The following DCDC2C variants were observed in gnomAD, a reference collection of about 807,000 sequenced individuals.
The protein encoded by DCDC2C is doublecortin domain-containing protein 2C.
In DCDC2C, 44 loss-of-function variants were observed where a neutral mutation model predicts 45.0. The ratio of observed to expected loss-of-function variants is 0.98; its 90% CI spans 0.77 to 1.26. DCDC2C has a LOEUF of 1.26. Among genes scored for constraint, DCDC2C ranks in the 50% most tolerant of loss-of-function variants. The pLI is 0.00. For synonymous variants in DCDC2C, 187 were observed against 178.8 expected, an observed-to-expected ratio of 1.05 and a Z score of -0.37; for missense variants, 447 against 468.9, an observed-to-expected ratio of 0.95 and a Z score of 0.43.
intron 10 of DCDC2C, among the ~76,000 whole-genome samples, chr2:3,832,791 C>T (rs1477245269): frequency 1.3e-5 from 2 of 152,178 alleles, no homozygotes; most frequent in Non-Finnish European, 2.9e-5. Flanking sequence ...TTTCTCTCCC[C>T]CAATGTCTAG....
At chr2:3,720,425 A>G (rs757367002) in intron 2 of DCDC2C, among the ~76,000 whole-genome samples, 7 of 152,224 alleles carry the variant, frequency 4.6e-5, no homozygotes, top group African/African-American at 1.4e-4. Context: ...GGAAGAGGAC[A>G]TAGGAGGTCA....
intron 10 of DCDC2C, among the ~76,000 whole-genome samples, chr2:3,810,971 T>TGGTACAA (rs1572634340): frequency 6.6e-6 from 1 of 152,232 alleles, no homozygotes; most frequent in Non-Finnish European, 1.5e-5. Flanking sequence ...CACACTGTTT[T>TGGTACAA]GGTTACTGTA....
At chr2:3,810,501 T>C (rs939786177) in intron 10 of DCDC2C, among the ~76,000 whole-genome samples, 3 of 152,240 alleles carry the variant, frequency 2.0e-5, no homozygotes, top group Non-Finnish European at 4.4e-5. Context: ...GTCAGATGGG[T>C]AGATTGCAAA....
At chr2:3,712,866 T>G (rs1204524965) in intron 2 of DCDC2C, among the ~76,000 whole-genome samples, 1 of 152,200 alleles carries the variant, frequency 6.6e-6, no homozygotes, top group Non-Finnish European at 1.5e-5. Context: ...GTGTTCAATG[T>G]CCAGAAGTTT....
chr2:3,779,939 C>T (rs1670466408), intron 9 of DCDC2C, among the ~76,000 whole-genome samples: 1 of 152,140 alleles, frequency 6.6e-6, no homozygotes, highest in African/African-American at 2.4e-5. Flanking sequence ...GATATGGGTC[C>T]TCAGGAAGTT....
intron 3 of DCDC2C, among the ~76,000 whole-genome samples, chr2:3,737,097 A>G (rs1195958212): frequency 1.3e-5 from 2 of 152,176 alleles, no homozygotes; most frequent in Non-Finnish European, 2.9e-5. Context: ...CTGCCCATCC[A>G]GAATTGACTG....
intron 10 of DCDC2C, among the ~76,000 whole-genome samples, chr2:3,840,287 C>T (rs1401817395): frequency 6.6e-6 from 1 of 152,190 alleles, no homozygotes; most frequent in East Asian, 1.9e-4. Flanking sequence ...TTACTGGTCA[C>T]CTGGAAAGAC....
chr2:3,726,299 G>A (rs1043088632), intron 2 of DCDC2C, among the ~76,000 whole-genome samples: 1 of 152,082 alleles, frequency 6.6e-6, no homozygotes, highest in African/African-American at 2.4e-5. Context: ...CTCAGCACAG[G>A]GTTGGGGGTT....
In DCDC2C at chr2:3,837,136, C is replaced by T. The variant is rs1263086778; in HGVS notation, c.1066-10018C>T. Among the ~76,000 whole-genome samples, 7 of 152,228 alleles carry T rather than the reference C, an allele frequency of 4.6e-5. No individual in the cohort carries two copies. In the East Asian group the frequency reaches 9.7e-4, roughly 21 times the overall value. ...GAGACGCTTCTGAGGAACATGAGGGCACCATGGAGCTCAGTAGGAACACAA... is the reference window on the plus strand; with the variant it reads ...GAGACGCTTCTGAGGAACATGAGGGTACCATGGAGCTCAGTAGGAACACAA... On this transcript the variant is annotated intron_variant, in intron 10 of 10. Coordinates refer to ENST00000399143, the MANE Select transcript of DCDC2C (RefSeq NM_001287444.2).
chr2:3,835,084 G>T (rs192048644), intron 10 of DCDC2C, among the ~76,000 whole-genome samples: 1 of 152,116 alleles, frequency 6.6e-6, no homozygotes, highest in Non-Finnish European at 1.5e-5. Context: ...ATAAATACAC[G>T]AGTTTGCCTT....
chr2:3,782,769 G>A (rs191466925), intron 9 of DCDC2C, among the ~76,000 whole-genome samples: 110 of 152,244 alleles, frequency 7.2e-4, no homozygotes, highest in African/African-American at 2.5e-3. Context: ...GTGAGCCACC[G>A]CACCTGGCCT....
At chr2:3,754,657 T>C (rs1669640303) in intron 6 of DCDC2C, 23 bp downstream of exon 6, 1 of 1,544,046 alleles carries the variant, frequency 6.5e-7, no homozygotes, top group East Asian at 2.4e-5. Flanking sequence ...TTAAAACAAG[T>C]AAGTAACTTG....
At chr2:3,731,568 C>G (rs357949) in intron 3 of DCDC2C, among the ~76,000 whole-genome samples, 122,684 of 152,146 alleles carry the variant, frequency 0.81, 49,995 homozygotes, top group South Asian at 0.93. Context: ...TCACTGATTG[C>G]GCCTTTTAGT....
chr2:3,718,242 G>C (rs536362995), intron 2 of DCDC2C, among the ~76,000 whole-genome samples: 1 of 152,292 alleles, frequency 6.6e-6, no homozygotes, highest in East Asian at 1.9e-4. Context: ...TTAGGGGCAG[G>C]TATTCTCCTC....
chr2:3,843,526 A>G lies in DCDC2C; in HGVS notation c.1066-3628A>G, dbSNP rs562528577. Among the ~76,000 whole-genome samples, 57 of 152,334 alleles carry G rather than the reference A, an allele frequency of 3.7e-4. No homozygotes were observed. In the Middle Eastern group the frequency reaches 0.01, roughly 27 times the overall value. On this transcript the variant is annotated intron_variant, in intron 10 of 10. Coordinates refer to ENST00000399143, the MANE Select transcript of DCDC2C (RefSeq NM_001287444.2). ...GAGCATCTTTTTAATTTCCTCTGCCAAATGGCATTCATCCCCATAGGAAAG... is the reference window on the plus strand; with the variant it reads ...GAGCATCTTTTTAATTTCCTCTGCCGAATGGCATTCATCCCCATAGGAAAG...
intron 8 of DCDC2C, among the ~76,000 whole-genome samples, chr2:3,774,078 G>C (rs565336377): frequency 6.6e-6 from 1 of 152,296 alleles, no homozygotes; most frequent in South Asian, 2.1e-4. Flanking sequence ...CAACCAAAGA[G>C]AAACCAAAAT....
intron 4 of DCDC2C, among the ~76,000 whole-genome samples, chr2:3,744,985 AT>A (rs144861543): frequency 0.018 from 2,782 of 152,244 alleles, 82 homozygotes; most frequent in African/African-American, 0.064. Context: ...GAAATCTATT[AT>A]TTATTTATTT....
intron 2 of DCDC2C, among the ~76,000 whole-genome samples, chr2:3,708,927 AG>A (rs1280956536): frequency 6.6e-6 from 1 of 152,214 alleles, no homozygotes; most frequent in African/African-American, 2.4e-5. Context: ...AGTTATTTAG[AG>A]TTATGCAATG....
intron 8 of DCDC2C, among the ~76,000 whole-genome samples, chr2:3,770,793 TA>T: frequency 6.6e-6 from 1 of 152,330 alleles, no homozygotes; most frequent in African/African-American, 2.4e-5. Flanking sequence ...ATAATAAGCA[TA>T]TTCATAAGTT....
Sources: allele counts gnomAD v4.1 joint callset (sites outside exome capture counted in the v4.1 genomes callset), GRCh38; gene constraint gnomAD v4.1.1; transcripts MANE v1.5; gene names NCBI Gene and HGNC (gene_info 2026-07-23, HGNC 2026-07-21).